SLC12A8: variants seen among roughly 807,000 people sequenced by gnomAD.
SLC12A8 encodes the protein solute carrier family 12 member 8.
In SLC12A8, 69 loss-of-function variants were observed where a neutral mutation model predicts 75.6. That is an observed-to-expected ratio of 0.91 (90% CI 0.75 to 1.11). The LOEUF is 1.11. Among genes scored for constraint, SLC12A8 ranks in the 50% most tolerant of loss-of-function variants. The probability of loss-of-function intolerance (pLI) is 0.00; values close to 1 mark genes in which losing one functional copy is unlikely to be tolerated. For synonymous variants in SLC12A8, 365 were observed against 372.8 expected, an observed-to-expected ratio of 0.98 and a Z score of 0.24; for missense variants, 877 against 896.7, an observed-to-expected ratio of 0.98 and a Z score of 0.28.
intron 4 of SLC12A8, among the ~76,000 whole-genome samples, chr3:125,183,829 T>A (rs1164250378): frequency 6.6e-6 from 1 of 151,930 alleles, no homozygotes; most frequent in Admixed American, 6.6e-5. Flanking sequence ...GAGTCTGTAG[T>A]CCATCGTCTC....
intron 5 of SLC12A8, among the ~76,000 whole-genome samples, chr3:125,173,544 A>AC (rs1431432726): frequency 1.3e-5 from 2 of 152,088 alleles, no homozygotes; most frequent in African/African-American, 4.8e-5. Flanking sequence ...CATAGACCTA[A>AC]ATGTCAAACA....
chr3:125,122,147 C>A (rs756497034), intron 6 of SLC12A8, among the ~76,000 whole-genome samples: 1 of 151,972 alleles, frequency 6.6e-6, no homozygotes, highest in Admixed American at 6.6e-5. Context: ...AGTTTTAAGA[C>A]GCATATTAGA....
chr3:125,203,560 C>G (rs2107803936), intron 2 of SLC12A8, among the ~76,000 whole-genome samples: 1 of 152,252 alleles, frequency 6.6e-6, no homozygotes, highest in East Asian at 1.9e-4. Flanking sequence ...AACTAGACCC[C>G]CATCTCTCAA....
At chr3:125,162,225 T>C (rs976700995) in intron 5 of SLC12A8, among the ~76,000 whole-genome samples, 5 of 152,242 alleles carry the variant, frequency 3.3e-5, no homozygotes, top group Non-Finnish European at 7.3e-5. Context: ...TTTTGATTCA[T>C]CCTTAATTCA....
intron 8 of SLC12A8, among the ~76,000 whole-genome samples, chr3:125,118,242 T>C (rs2107749169): frequency 1.3e-5 from 2 of 152,362 alleles, no homozygotes; most frequent in South Asian, 4.1e-4. Flanking sequence ...GGCATCATTA[T>C]CTGTTTCTAG....
intron 5 of SLC12A8, among the ~76,000 whole-genome samples, chr3:125,175,027 G>A (rs1320852017): frequency 6.6e-6 from 1 of 152,170 alleles, no homozygotes; most frequent in Non-Finnish European, 1.5e-5. Context: ...AATAATAGGG[G>A]AAACTGTGGT....
chr3:125,102,337 C>T (rs890453351), intron 10 of SLC12A8, among the ~76,000 whole-genome samples: 4 of 152,122 alleles, frequency 2.6e-5, no homozygotes, highest in Admixed American at 6.6e-5. Context: ...GAAAGCGGAA[C>T]GTACAGTGCA....
intron 6 of SLC12A8, among the ~76,000 whole-genome samples, chr3:125,127,526 C>A (rs1933238418): frequency 6.6e-6 from 1 of 152,188 alleles, no homozygotes; most frequent in Non-Finnish European, 1.5e-5. Context: ...GTGGGAGGAT[C>A]TAGGTTCCAT....
At chr3:125,098,521 C>T (rs191993315) in intron 10 of SLC12A8, among the ~76,000 whole-genome samples, 19 of 149,376 alleles carry the variant, frequency 1.3e-4, no homozygotes, top group Middle Eastern at 6.8e-3. Context: ...GGACTTCTAG[C>T]CATGGCAGTA....
intron 5 of SLC12A8, among the ~76,000 whole-genome samples, chr3:125,170,599 T>C (rs1678043923): frequency 6.6e-6 from 1 of 152,234 alleles, no homozygotes; most frequent in Non-Finnish European, 1.5e-5. Context: ...CACATGTGCA[T>C]GTGAGCTTGT....
At chr3:125,152,458 G>T (rs551885171) in intron 5 of SLC12A8, among the ~76,000 whole-genome samples, 27 of 152,302 alleles carry the variant, frequency 1.8e-4, no homozygotes, top group African/African-American at 6.5e-4. Context: ...GGATTCTAGA[G>T]TGTCATATCT....
chr3:125,211,253 G>A (rs1354866937), intron 2 of SLC12A8, 46 bp downstream of exon 2: 6 of 1,533,154 alleles, frequency 3.9e-6, no homozygotes, highest in African/African-American at 2.7e-5. Flanking sequence ...GGGGATCCCC[G>A]TGCTCACAGG....
At chr3:125,135,575 C>G in intron 6 of SLC12A8, 94 bp downstream of exon 6, 1 of 674,198 alleles carries the variant, frequency 1.5e-6, no homozygotes, top group Non-Finnish European at 2.4e-6. Context: ...ATATACATAC[C>G]AAGAGTACCT....
Position 125,150,243 on chromosome 3 carries a change from T to C in SLC12A8, c.623-14461A>G, listed in dbSNP as rs897137738. 2.6e-5 allele frequency among the ~76,000 whole-genome samples: 4 copies of C among 152,314 alleles called. No individual in the cohort carries two copies. The South Asian group carries it at 6.2e-4, about 24-fold the overall frequency. ...GTATTCAAGTCTTCACATTGAGCTT[T>C]AATCATACCATTGGCTTCAGTGACA... On this transcript the variant is annotated intron_variant, in intron 5 of 13. Transcript: ENST00000469902.
chr3:125,111,563 G>T (rs116924435), intron 8 of SLC12A8, among the ~76,000 whole-genome samples: 3 of 152,118 alleles, frequency 2.0e-5, no homozygotes, highest in Admixed American at 6.5e-5. Context: ...GTACTCATGC[G>T]TCCAATGCTT....
At chr3:125,178,058 GC>G in intron 4 of SLC12A8, 84 bp from the exon 5 acceptor site, 1 of 1,140,404 alleles carries the variant, frequency 8.8e-7, no homozygotes, top group South Asian at 1.4e-5. Flanking sequence ...TGAGAACCCT[GC>G]ACCCCCATCG....
At chr3:125,092,409 G>T (rs1265779311) in intron 10 of SLC12A8, among the ~76,000 whole-genome samples, 1 of 152,168 alleles carries the variant, frequency 6.6e-6, no homozygotes, top group Non-Finnish European at 1.5e-5. Flanking sequence ...GAGACAGAGT[G>T]GAGAGGAAGG....
At chr3:125,109,594 C>T (rs946743066) in intron 9 of SLC12A8, among the ~76,000 whole-genome samples, 1 of 152,198 alleles carries the variant, frequency 6.6e-6, no homozygotes, top group Non-Finnish European at 1.5e-5. Flanking sequence ...ATGGGATTCT[C>T]TGTTTATGTC....
chr3:125,158,378 G>A (rs1051091294), intron 5 of SLC12A8, among the ~76,000 whole-genome samples: 9 of 152,022 alleles, frequency 5.9e-5, no homozygotes, highest in East Asian at 5.8e-4. Context: ...GTGCCACCAC[G>A]CCCAGCTAAT....
Sources: gnomAD v4.1 joint callset for allele counts (sites outside exome capture counted in the v4.1 genomes callset) on GRCh38, gnomAD v4.1.1 for gene constraint, MANE v1.5 for transcripts, NCBI Gene and HGNC (gene_info 2026-07-23, HGNC 2026-07-21) for gene names.